Variants in STK32B observed in about 807,000 individuals in gnomAD.
STK32B encodes the protein serine/threonine kinase 32B.
STK32B carries 43 observed loss-of-function variants against 52.6 expected under a neutral mutation model. The ratio of observed to expected loss-of-function variants is 0.82; its 90% CI spans 0.64 to 1.05. The LOEUF is 1.05. Ranked by LOEUF, STK32B falls within the 50% of genes least tolerant of loss-of-function variation. The pLI, the probability that STK32B is intolerant of heterozygous loss-of-function variation, is 0.00. For synonymous variants in STK32B, 238 were observed against 204.3 expected (o/e 1.17, Z -1.41); for missense variants, 621 against 534.6 (o/e 1.16, Z -1.59).
intron 3 of STK32B, among the ~76,000 whole-genome samples, chr4:5,317,035 A>ATG (rs1273297476): frequency 2.9e-4 from 7 of 24,276 alleles, no homozygotes; most frequent in South Asian, 3.3e-3. Context: ...TATATGATAT[A>ATG]ATATATTATA....
At chr4:5,279,939 C>T (rs1401277766) in intron 3 of STK32B, among the ~76,000 whole-genome samples, 4 of 152,224 alleles carry the variant, frequency 2.6e-5, no homozygotes, top group African/African-American at 9.6e-5. Context: ...GCCTCACTCA[C>T]AAAACCACAT....
intron 3 of STK32B, among the ~76,000 whole-genome samples, chr4:5,173,075 A>T (rs1004140044): frequency 1.3e-5 from 2 of 152,198 alleles, no homozygotes; most frequent in Admixed American, 1.3e-4. Flanking sequence ...CATTTCTTCT[A>T]GATTTTCTAG....
At chr4:5,307,209 CTTGA>C (rs1437057301) in intron 3 of STK32B, among the ~76,000 whole-genome samples, 1 of 152,100 alleles carries the variant, frequency 6.6e-6, no homozygotes, top group African/African-American at 2.4e-5. Flanking sequence ...GGAAGTTTTC[CTTGA>C]TTATTGCCTC....
At chr4:5,137,851 T>C (rs983554735) in intron 1 of STK32B, among the ~76,000 whole-genome samples, 1 of 152,158 alleles carries the variant, frequency 6.6e-6, no homozygotes, top group African/African-American at 2.4e-5. Flanking sequence ...GAAAAGTTTT[T>C]CCCAAAATAA....
chr4:5,481,638 T>G (rs1447028425), intron 11 of STK32B, among the ~76,000 whole-genome samples: 1 of 152,206 alleles, frequency 6.6e-6, no homozygotes, highest in Non-Finnish European at 1.5e-5. Context: ...CTTTTGGTGT[T>G]TTAGACATGA....
chr4:5,044,911 A>G, the STK32B span, among the ~76,000 whole-genome samples: 1 of 152,158 alleles, frequency 6.6e-6, no homozygotes, highest in East Asian at 1.9e-4. Context: ...ATCCTGTCTC[A>G]AAACAAACAC....
chr4:5,285,724 A>G (rs1313518572), intron 3 of STK32B, among the ~76,000 whole-genome samples: 1 of 152,214 alleles, frequency 6.6e-6, no homozygotes, highest in East Asian at 1.9e-4. Flanking sequence ...TTATTAGTAG[A>G]TAGATCAAAT....
chr4:5,050,307 C>T (rs971198333), upstream of STK32B, among the ~76,000 whole-genome samples: 4 of 152,148 alleles, frequency 2.6e-5, no homozygotes, highest in Non-Finnish European at 5.9e-5. Context: ...GATAAGAACT[C>T]CAAAGTGGGA....
chr4:5,037,847 C>T, the STK32B span, among the ~76,000 whole-genome samples: 1 of 152,156 alleles, frequency 6.6e-6, no homozygotes, highest in Non-Finnish European at 1.5e-5. Context: ...TGAGGGTGGG[C>T]ATGGGGACCT....
At chr4:5,250,038 T>C (rs1725804198) in intron 3 of STK32B, among the ~76,000 whole-genome samples, 1 of 152,122 alleles carries the variant, frequency 6.6e-6, no homozygotes, top group Admixed American at 6.6e-5. Flanking sequence ...TTAGTTTGCT[T>C]AGGGGAATGA....
At chr4:5,173,202 C>G (rs1049079783) in intron 3 of STK32B, among the ~76,000 whole-genome samples, 9 of 152,014 alleles carry the variant, frequency 5.9e-5, no homozygotes, top group African/African-American at 2.2e-4. Flanking sequence ...TCTCTCTTTT[C>G]TTCTTTATTA....
chr4:5,051,441 A>G, upstream of STK32B: 1 of 199,542 alleles, frequency 5.0e-6, no homozygotes, highest in Non-Finnish European at 9.8e-6. Context: ...GCCGCCGCCC[A>G]CTGCGTGCTG....
intron 3 of STK32B, among the ~76,000 whole-genome samples, chr4:5,315,144 A>G (rs900617987): frequency 6.6e-6 from 1 of 152,198 alleles, no homozygotes; most frequent in African/African-American, 2.4e-5. Context: ...TTTTTAATCC[A>G]ATTAAAAAAT....
chr4:5,444,781 A>G (rs779211370), intron 6 of STK32B, among the ~76,000 whole-genome samples: 1 of 152,152 alleles, frequency 6.6e-6, no homozygotes, highest in African/African-American at 2.4e-5. Context: ...TGAATAAACC[A>G]TTATTATTAT....
intron 3 of STK32B, among the ~76,000 whole-genome samples, chr4:5,231,824 A>G (rs1289242674): frequency 6.6e-6 from 1 of 152,184 alleles, no homozygotes; most frequent in African/African-American, 2.4e-5. Flanking sequence ...AAAGAGATCA[A>G]TAGCCCAGGA....
intron 1 of STK32B, among the ~76,000 whole-genome samples, chr4:5,114,112 C>G (rs1398408671): frequency 1.3e-5 from 2 of 152,054 alleles, no homozygotes; most frequent in African/African-American, 4.8e-5. Flanking sequence ...AACCATATCA[C>G]TACCTCATCA....
intron 3 of STK32B, among the ~76,000 whole-genome samples, chr4:5,313,203 A>C (rs1032537901): frequency 6.6e-6 from 1 of 151,864 alleles, no homozygotes; most frequent in Non-Finnish European, 1.5e-5. Flanking sequence ...ATTGAGATTC[A>C]CTATAGACTT....
In STK32B at chr4:5,051,849, C is replaced by T. The variant is rs1447303210; in HGVS notation, c.-15C>T. 1.7e-5 allele frequency: 27 copies of T among 1,593,558 alleles called. No individual in the cohort carries two copies. The highest frequency in any genetic ancestry group is 2.2e-5 in the Non-Finnish European group (26 of 1,170,918). Reference sequence around the variant, plus strand: ...CCAGCGGCCGGGCATGTAGCAGCGGCAGCAACGGCGGAATATGGGCGGGAA... The same window carrying T: ...CCAGCGGCCGGGCATGTAGCAGCGGTAGCAACGGCGGAATATGGGCGGGAA... On this transcript the variant is annotated 5_prime_UTR_variant, in exon 1 of 12. Coordinates refer to ENST00000282908, the MANE Select transcript of STK32B (RefSeq NM_018401.3).
chr4:5,248,583 A>G (rs941452119), intron 3 of STK32B, among the ~76,000 whole-genome samples: 6 of 152,186 alleles, frequency 3.9e-5, no homozygotes, highest in Non-Finnish European at 7.3e-5. Context: ...TTGCTGGACT[A>G]CTATTCAGTG....
Sources: allele counts gnomAD v4.1 joint callset (sites outside exome capture counted in the v4.1 genomes callset), GRCh38; gene constraint gnomAD v4.1.1; transcripts MANE v1.5; gene names NCBI Gene and HGNC (gene_info 2026-07-23, HGNC 2026-07-21).